The following DAB1 variants were observed in gnomAD, a reference collection of about 807,000 sequenced individuals.
DAB1 encodes the protein DAB adaptor protein 1, also known as disabled homolog 1.
Under a neutral mutation model 64.6 loss-of-function variants are expected in DAB1, and 15 were observed. That is an observed-to-expected ratio of 0.23 (90% CI 0.16 to 0.36). The LOEUF (loss-of-function observed/expected upper bound fraction) is 0.36, where lower values mean the gene tolerates loss of function less well. DAB1 is among the 10% of genes least tolerant of loss of function. The pLI is 1.00. For synonymous variants in DAB1, 235 were observed against 251.9 expected, an observed-to-expected ratio of 0.93 and a Z score of 0.64; for missense variants, 596 against 706.7, an observed-to-expected ratio of 0.84 and a Z score of 1.78.
At chr1:57,736,357 A>G (rs533710999) in intron 6 of DAB1, among the ~76,000 whole-genome samples, 2 of 152,310 alleles carry the variant, frequency 1.3e-5, no homozygotes, top group East Asian at 3.9e-4. Flanking sequence ...TTGTGAACAG[A>G]AAGACATTTC....
chr1:57,447,814 T>A (rs1238012408), intron 7 of DAB1, among the ~76,000 whole-genome samples: 1 of 151,922 alleles, frequency 6.6e-6, no homozygotes, highest in African/African-American at 2.4e-5. Flanking sequence ...CTCCTTTAGG[T>A]TGTGGTCAGA....
chr1:58,546,251 G>T (rs560321372), intron 1 of DAB1, among the ~76,000 whole-genome samples: 3 of 152,214 alleles, frequency 2.0e-5, no homozygotes, highest in African/African-American at 7.2e-5. Flanking sequence ...TGAAAGAGAC[G>T]AATGCCCGAC....
rs535971871 is a variant in DAB1, at chr1:57,608,451, T to C, written n.625+41141A>G. Among the ~76,000 whole-genome samples, 5 of 152,342 alleles carry C rather than the reference T, an allele frequency of 3.3e-5. No individual in the cohort carries two copies. The South Asian group carries it at 1.0e-3, about 32-fold the overall frequency. On this transcript the variant is annotated intron_variant and non_coding_transcript_variant, in intron 7 of 20. Coordinates refer to the DAB1 transcript ENST00000485760. ...CCTTGCTTGTGCTTCATCACTGGTA[T>C]AATTCTAAAAGAATTTCCAGTAAAG...
intron 11 of DAB1, among the ~76,000 whole-genome samples, chr1:57,019,959 A>G (rs965899474): frequency 1.3e-5 from 2 of 152,276 alleles, no homozygotes; most frequent in Non-Finnish European, 2.9e-5. Context: ...ACTAAAAACG[A>G]AGGAACTCCT....
intron 1 of DAB1, among the ~76,000 whole-genome samples, chr1:57,392,655 G>C (rs1385166646): frequency 6.6e-6 from 1 of 152,214 alleles, no homozygotes; most frequent in African/African-American, 2.4e-5. Flanking sequence ...GGTGGGTCTT[G>C]AAAGAAGCAC....
intron 5 of DAB1, among the ~76,000 whole-genome samples, chr1:57,979,992 C>G (rs1426023314): frequency 6.6e-6 from 1 of 152,120 alleles, no homozygotes; most frequent in Non-Finnish European, 1.5e-5. Context: ...CTTGCCTGAC[C>G]AGTGCCTCTC....
intron 7 of DAB1, among the ~76,000 whole-genome samples, chr1:57,573,192 A>T (rs928207736): frequency 1.5e-4 from 23 of 152,002 alleles, no homozygotes; most frequent in Non-Finnish European, 7.4e-5. Flanking sequence ...GGCTCAAGGG[A>T]TCCTCCCGCC....
chr1:57,902,563 T>C (rs575003748), intron 5 of DAB1, among the ~76,000 whole-genome samples: 2 of 152,310 alleles, frequency 1.3e-5, no homozygotes, highest in South Asian at 4.1e-4. Context: ...CATTTAATTG[T>C]CATTTCTTGT....
At chr1:57,115,729 T>C (rs558250077) in intron 4 of DAB1, among the ~76,000 whole-genome samples, 1 of 152,272 alleles carries the variant, frequency 6.6e-6, no homozygotes, top group South Asian at 2.1e-4. Flanking sequence ...CAACATGAGC[T>C]GGGGTCTTCT....
At chr1:57,278,930 G>A (rs576980197) in intron 2 of DAB1, among the ~76,000 whole-genome samples, 3 of 152,298 alleles carry the variant, frequency 2.0e-5, no homozygotes, top group Admixed American at 6.5e-5. Flanking sequence ...TGAGAAAACA[G>A]ATATAAAGGT....
At chr1:57,389,991 G>C (rs1380300928) in intron 1 of DAB1, among the ~76,000 whole-genome samples, 1 of 152,188 alleles carries the variant, frequency 6.6e-6, no homozygotes, top group African/African-American at 2.4e-5. Flanking sequence ...TTTTAGTGCA[G>C]GGTCACAGTG....
intron 2 of DAB1, among the ~76,000 whole-genome samples, chr1:57,171,535 G>A (rs926499974): frequency 3.3e-5 from 5 of 152,136 alleles, no homozygotes; most frequent in Admixed American, 6.5e-5. Flanking sequence ...CAAGAATGGC[G>A]ACATGTTTAT....
intron 2 of DAB1, among the ~76,000 whole-genome samples, chr1:57,153,646 G>C (rs1413844384): frequency 1.3e-5 from 2 of 151,100 alleles, no homozygotes; most frequent in Non-Finnish European, 3.0e-5. Context: ...TTGTTTGTTT[G>C]TTTGTTTTTG....
At chr1:58,161,018 C>T (rs997592543) in intron 4 of DAB1, among the ~76,000 whole-genome samples, 13 of 152,086 alleles carry the variant, frequency 8.5e-5, no homozygotes, top group South Asian at 6.3e-4. Flanking sequence ...GCTGATGCAA[C>T]GTAAGGAATA....
chr1:58,342,339 C>T (rs1299777193), intron 4 of DAB1, among the ~76,000 whole-genome samples: 11 of 152,128 alleles, frequency 7.2e-5, no homozygotes, highest in Admixed American at 5.9e-4. Flanking sequence ...AAAGGTGTCC[C>T]AGTGAATTGG....
intron 5 of DAB1, among the ~76,000 whole-genome samples, chr1:57,961,786 T>C (rs1014485004): frequency 2.0e-5 from 3 of 151,760 alleles, no homozygotes; most frequent in Admixed American, 1.3e-4. Context: ...CTGACCAACA[T>C]GGAGAAACCC....
intron 1 of DAB1, among the ~76,000 whole-genome samples, chr1:58,528,637 C>A (rs1247841712): frequency 6.6e-6 from 1 of 152,142 alleles, no homozygotes; most frequent in Non-Finnish European, 1.5e-5. Context: ...ACAACTCCCC[C>A]ACAACAAAGA....
At chr1:57,379,988 G>A (rs1681235287) in intron 1 of DAB1, among the ~76,000 whole-genome samples, 2 of 152,196 alleles carry the variant, frequency 1.3e-5, no homozygotes, top group Admixed American at 6.5e-5. Context: ...AGAAAAGTGT[G>A]TGGCACATAG....
At chr1:57,042,318 T>C (rs1173381572) in intron 9 of DAB1, among the ~76,000 whole-genome samples, 1 of 152,250 alleles carries the variant, frequency 6.6e-6, no homozygotes, top group African/African-American at 2.4e-5. Context: ...GCCCTCTGAA[T>C]AAGTCTGTAG....
Sources: gnomAD v4.1 joint callset for allele counts (sites outside exome capture counted in the v4.1 genomes callset) on GRCh38, gnomAD v4.1.1 for gene constraint, MANE v1.5 for transcripts, NCBI Gene and HGNC (gene_info 2026-07-23, HGNC 2026-07-21) for gene names.